CNTNAP2: variants seen among roughly 807,000 people sequenced by gnomAD.
The protein encoded by CNTNAP2 is contactin associated protein 2.
CNTNAP2 carries 98 observed loss-of-function variants against 155.2 expected under a neutral mutation model. That is an observed-to-expected ratio of 0.63 (90% CI 0.54 to 0.75). The LOEUF (loss-of-function observed/expected upper bound fraction) is 0.75, where lower values mean the gene tolerates loss of function less well. CNTNAP2 is among the 30% of genes least tolerant of loss of function. The probability of loss-of-function intolerance (pLI) is 0.00; values close to 1 mark genes in which losing one functional copy is unlikely to be tolerated. For synonymous variants in CNTNAP2, 651 were observed against 631.2 expected (o/e 1.03, Z -0.47); for missense variants, 1,727 against 1,688.1 (o/e 1.02, Z -0.40).
chr7:147,573,902 G>A (rs958328918), intron 12 of CNTNAP2, among the ~76,000 whole-genome samples: 4 of 152,066 alleles, frequency 2.6e-5, no homozygotes, highest in Admixed American at 2.6e-4. Context: ...TGATCCTTTA[G>A]TACAACCTAC....
At chr7:147,247,118 A>G (rs2116650527) in intron 8 of CNTNAP2, among the ~76,000 whole-genome samples, 1 of 152,356 alleles carries the variant, frequency 6.6e-6, no homozygotes, top group South Asian at 2.1e-4. Context: ...CTATTTTTGA[A>G]ATCAATAATC....
intron 8 of CNTNAP2, among the ~76,000 whole-genome samples, chr7:147,157,275 T>A (rs943646789): frequency 2.0e-5 from 3 of 152,130 alleles, no homozygotes; most frequent in Non-Finnish European, 4.4e-5. Flanking sequence ...TTGACCTCTG[T>A]TGACATGCAA....
intron 14 of CNTNAP2, among the ~76,000 whole-genome samples, chr7:147,956,934 TG>T (rs1801024992): frequency 6.6e-6 from 1 of 152,276 alleles, no homozygotes; most frequent in South Asian, 2.1e-4. Flanking sequence ...AGGACCCAGG[TG>T]ATATTCATGG....
intron 3 of CNTNAP2, among the ~76,000 whole-genome samples, chr7:146,969,203 C>T (rs1424455078): frequency 6.6e-6 from 1 of 152,106 alleles, no homozygotes; most frequent in East Asian, 1.9e-4. Flanking sequence ...TGATCTTTTA[C>T]ATTTGCTGAG....
intron 1 of CNTNAP2, among the ~76,000 whole-genome samples, chr7:146,569,545 ACGCTC>A (rs1798410266): frequency 6.6e-6 from 1 of 152,160 alleles, no homozygotes; most frequent in Non-Finnish European, 1.5e-5. Flanking sequence ...ATCCTTTCCA[ACGCTC>A]TGATTATTAG....
At chr7:147,915,870 C>T (rs1466195503) in intron 14 of CNTNAP2, among the ~76,000 whole-genome samples, 2 of 152,158 alleles carry the variant, frequency 1.3e-5, no homozygotes, top group African/African-American at 4.8e-5. Context: ...GTTACACCAT[C>T]CCGTGTACGT....
intron 1 of CNTNAP2, among the ~76,000 whole-genome samples, chr7:146,608,854 C>T (rs1799089142): frequency 6.6e-6 from 1 of 152,034 alleles, no homozygotes; most frequent in Admixed American, 6.6e-5. Flanking sequence ...ACTGTCTCAG[C>T]AACATGTAGT....
intron 1 of CNTNAP2, among the ~76,000 whole-genome samples, chr7:146,404,081 C>T: frequency 7.1e-6 from 1 of 141,272 alleles, no homozygotes; most frequent in Non-Finnish European, 1.5e-5. Context: ...GCCGAGATCC[C>T]GCCACTGCAC....
chr7:147,235,942 A>T (rs1400971452), intron 8 of CNTNAP2, among the ~76,000 whole-genome samples: 19 of 152,238 alleles, frequency 1.2e-4, no homozygotes, highest in Admixed American at 1.2e-3. Flanking sequence ...GTGAATTCAC[A>T]CAAGTACTTC....
intron 12 of CNTNAP2, among the ~76,000 whole-genome samples, chr7:147,588,818 AG>A (rs1053309992): frequency 4.6e-5 from 7 of 152,212 alleles, no homozygotes; most frequent in African/African-American, 1.7e-4. Flanking sequence ...GTCTGTAGAC[AG>A]GGGCCTCATC....
At chr7:147,427,655 T>C (rs1446229634) in intron 10 of CNTNAP2, among the ~76,000 whole-genome samples, 1 of 152,068 alleles carries the variant, frequency 6.6e-6, no homozygotes. Flanking sequence ...ACTGAGAGAA[T>C]TGAACGGCAG....
chr7:147,664,453 T>C (rs2116957362), intron 13 of CNTNAP2, among the ~76,000 whole-genome samples: 1 of 152,206 alleles, frequency 6.6e-6, no homozygotes, highest in East Asian at 1.9e-4. Flanking sequence ...GATTGTGGAG[T>C]CTTGCTCTCC....
intron 6 of CNTNAP2, chr7:147,122,562 A>G (rs1298739782): frequency 1.3e-5 from 2 of 152,222 alleles, no homozygotes; most frequent in Non-Finnish European, 2.9e-5. Context: ...ATGGCATTCT[A>G]ATTTTCTGTT....
Position 147,014,051 on chromosome 7 carries a change from A to G in CNTNAP2, c.403-29856A>G, listed in dbSNP as rs981108550. ...AAAGGGATGTTTGTGGCATGAGATCAGAGCTCTAACAATGCCTCTCCACAA... is the reference window on the plus strand; with the variant it reads ...AAAGGGATGTTTGTGGCATGAGATCGGAGCTCTAACAATGCCTCTCCACAA... On this transcript the variant is annotated intron_variant, in intron 3 of 23. Coordinates refer to ENST00000361727, the MANE Select transcript of CNTNAP2 (RefSeq NM_014141.6). Among the ~76,000 whole-genome samples the G allele has an allele frequency of 3.3e-5, 5 of 152,228 alleles. No homozygotes were observed. The South Asian group carries it at 1.0e-3, about 31-fold the overall frequency.
chr7:147,476,434 T>C (rs547325458), intron 10 of CNTNAP2, among the ~76,000 whole-genome samples: 42 of 150,890 alleles, frequency 2.8e-4, no homozygotes, highest in African/African-American at 9.4e-4. Flanking sequence ...ATTTTAGATT[T>C]CATCATGACT....
At position 148,417,808 on chromosome 7, in the gene CNTNAP2, T is replaced by G. The variant is rs1800028501; in HGVS notation, c.*2192T>G. ...TGTTCTTTATGCATTGTCTCAACAC[T>G]TTCCCTTTTTTCCCAAAATGAGTAG... is the stretch of plus-strand genomic sequence containing the variant. On this transcript the variant is annotated 3_prime_UTR_variant, in exon 24 of 24. Coordinates refer to ENST00000361727, the MANE Select transcript of CNTNAP2 (RefSeq NM_014141.6). 6.6e-6 allele frequency: 1 copy of G among 152,236 alleles called. No homozygotes were observed. 9.4% of individuals were successfully genotyped at this position (152,236 alleles called of 1,614,324 possible).
intron 10 of CNTNAP2, among the ~76,000 whole-genome samples, chr7:147,464,761 C>A (rs1275864096): frequency 6.6e-6 from 1 of 152,110 alleles, no homozygotes; most frequent in East Asian, 1.9e-4. Flanking sequence ...TGCATCATGA[C>A]AATTTCATAG....
At chr7:146,166,354 A>C (rs1409860724) in intron 1 of CNTNAP2, among the ~76,000 whole-genome samples, 1 of 152,070 alleles carries the variant, frequency 6.6e-6, no homozygotes, top group Non-Finnish European at 1.5e-5. Context: ...TGGCATCCCA[A>C]AGTGCTGGGA....
intron 15 of CNTNAP2, among the ~76,000 whole-genome samples, chr7:148,017,386 G>A (rs1802198767): frequency 6.6e-6 from 1 of 152,134 alleles, no homozygotes; most frequent in South Asian, 2.1e-4. Flanking sequence ...AAAATTATTT[G>A]TGTTTACATG....
Sources: gnomAD v4.1 joint callset for allele counts (sites outside exome capture counted in the v4.1 genomes callset) on GRCh38, gnomAD v4.1.1 for gene constraint, MANE v1.5 for transcripts, NCBI Gene and HGNC (gene_info 2026-07-23, HGNC 2026-07-21) for gene names.